Variants in NEBL observed in about 807,000 individuals in gnomAD.
The protein encoded by NEBL is nebulette.
A neutral mutation model predicts 140.2 loss-of-function variants in NEBL; 122 were observed. The ratio of observed to expected loss-of-function variants is 0.87; its 90% CI spans 0.75 to 1.01. The LOEUF is 1.01. NEBL is among the 50% of genes least tolerant of loss of function. The probability of loss-of-function intolerance (pLI) is 0.00; values close to 1 mark genes in which losing one functional copy is unlikely to be tolerated. For synonymous variants in NEBL, 436 were observed against 398.9 expected, an observed-to-expected ratio of 1.09 and a Z score of -1.11; for missense variants, 1,365 against 1,231.3, an observed-to-expected ratio of 1.11 and a Z score of -1.62.
intron 1 of NEBL, among the ~76,000 whole-genome samples, chr10:21,278,559 A>G (rs923293354): frequency 1.3e-5 from 2 of 152,188 alleles, no homozygotes; most frequent in African/African-American, 4.8e-5. Context: ...TCATGGGTCA[A>G]TGAGGGAGGC....
chr10:20,889,240 A>G (rs1204819009), intron 3 of NEBL, among the ~76,000 whole-genome samples: 2 of 152,218 alleles, frequency 1.3e-5, no homozygotes, highest in South Asian at 2.1e-4. Context: ...CATCGTTAAC[A>G]TTGTGCTTTA....
intron 2 of NEBL, among the ~76,000 whole-genome samples, chr10:21,047,837 G>A (rs1321745068): frequency 6.6e-6 from 1 of 152,146 alleles, no homozygotes; most frequent in Non-Finnish European, 1.5e-5. Context: ...GCATGCCCGA[G>A]CAATATTGTC....
chr10:20,868,549 T>C (rs971954787), intron 7 of NEBL, 115 bp downstream of exon 7: 9 of 838,152 alleles, frequency 1.1e-5, no homozygotes, highest in Admixed American at 7.0e-5. Context: ...TTCAGAAACA[T>C]TATCTCTGTT....
chr10:20,912,169 CA>C (rs747113342), intron 4 of NEBL, among the ~76,000 whole-genome samples: 133 of 152,192 alleles, frequency 8.7e-4, no homozygotes, highest in Admixed American at 1.9e-3. Flanking sequence ...ACTAGATAAC[CA>C]ACACAACTAT....
intron 2 of NEBL, among the ~76,000 whole-genome samples, chr10:21,123,517 G>C (rs866325329): frequency 1.4e-4 from 21 of 151,940 alleles, no homozygotes; most frequent in African/African-American, 4.8e-4. Flanking sequence ...AGCTCAAGTC[G>C]TCCTGACCTT....
At position 20,823,276 on chromosome 10, in the gene NEBL, G is replaced by A; in HGVS notation, c.1894C>T (p.His632Tyr). ...GGAGGATCAGAAATGGCTGTTGCAT[G>A]TTTAATCTCTTCTTTGTATTTCACC... ...SSVKYKEEIKHATAISDPPEL... is the reference protein window; with the variant it reads ...SSVKYKEEIKYATAISDPPEL... Residue 632 changes from histidine (H) to tyrosine (Y), a missense_variant, in exon 19 of 28, where the codon CAT becomes TAT. Coordinates refer to ENST00000377122, the MANE Select transcript of NEBL (RefSeq NM_006393.3). The A allele has an allele frequency of 6.2e-7, 1 of 1,608,238 alleles. No homozygotes were observed. The highest frequency in any genetic ancestry group is 8.5e-7 in the Non-Finnish European group (1 of 1,177,200).
chr10:21,030,273 G>T, intron 2 of NEBL: 1 of 624,818 alleles, frequency 1.6e-6, no homozygotes. Context: ...CCAAGCTGGC[G>T]AAGTGAAGAA....
intron 2 of NEBL, among the ~76,000 whole-genome samples, chr10:21,133,362 G>T (rs968687940): frequency 6.6e-6 from 1 of 152,140 alleles, no homozygotes; most frequent in Non-Finnish European, 1.5e-5. Flanking sequence ...TTAGCGGAGG[G>T]GGCTCCTTAC....
rs966493797 is a variant in NEBL at position 20,984,262 on chromosome 10, G to A, written c.250-22483C>T. ...CACCATCATTGTAAAACAAACTATC[G>A]TGATGTTATCTCAACTTAATAACAA... On this transcript the variant is annotated intron_variant, in intron 3 of 6. Coordinates refer to the NEBL transcript ENST00000417816. Among the ~76,000 whole-genome samples the A allele has an allele frequency of 9.9e-5, 15 of 152,030 alleles. 1 individual carries two copies. Among genetic ancestry groups the A allele is most frequent in the Admixed American group, 3.9e-4 (6 of 15,246 alleles).
chr10:21,176,785 T>C (rs10828202), upstream of NEBL, among the ~76,000 whole-genome samples: 44,346 of 152,080 alleles, frequency 0.29, 8,265 homozygotes, highest in East Asian at 0.58. Flanking sequence ...TACAAAACAA[T>C]TGACCTTCAT....
chr10:20,844,371 A>G (rs1288814222), intron 12 of NEBL, among the ~76,000 whole-genome samples: 2 of 150,886 alleles, frequency 1.3e-5, no homozygotes, highest in African/African-American at 4.8e-5. Flanking sequence ...CATAAAATAT[A>G]TATTATATTG....
intron 13 of NEBL, 140 bp downstream of exon 13, chr10:20,840,599 A>T: frequency 1.5e-6 from 1 of 658,324 alleles, no homozygotes. Context: ...TAATAGTCCA[A>T]GAAAAGACTA....
chr10:20,887,104 G>C (rs1329543081), intron 4 of NEBL, among the ~76,000 whole-genome samples: 1 of 152,150 alleles, frequency 6.6e-6, no homozygotes, highest in Non-Finnish European at 1.5e-5. Flanking sequence ...AGATGAACCA[G>C]AAAGAGGTGA....
chr10:20,800,010 C>G (rs1165838758), intron 26 of NEBL, among the ~76,000 whole-genome samples: 1 of 151,946 alleles, frequency 6.6e-6, no homozygotes, highest in East Asian at 1.9e-4. Context: ...CTACAATCTA[C>G]TTAACAAAAA....
At chr10:20,898,988 A>C (rs916588143), upstream of NEBL, among the ~76,000 whole-genome samples, 1 of 152,216 alleles carries the variant, frequency 6.6e-6, no homozygotes, top group East Asian at 1.9e-4. Flanking sequence ...TCACCAACAA[A>C]ATACCAAAAA....
chr10:20,786,195 G>C (rs894779255), intron 27 of NEBL, among the ~76,000 whole-genome samples: 1 of 152,130 alleles, frequency 6.6e-6, no homozygotes, highest in African/African-American at 2.4e-5. Flanking sequence ...ATAAAGCCAA[G>C]TTCCCCCCAA....
intron 4 of NEBL, among the ~76,000 whole-genome samples, chr10:20,938,623 A>G (rs574576321): frequency 6.6e-6 from 1 of 152,304 alleles, no homozygotes; most frequent in African/African-American, 2.4e-5. Context: ...AGAAGGCTTC[A>G]GACAATCAAA....
intron 2 of NEBL, among the ~76,000 whole-genome samples, chr10:21,139,558 T>C (rs149773584): frequency 2.0e-5 from 3 of 152,268 alleles, no homozygotes; most frequent in African/African-American, 4.8e-5. Context: ...CATGTTGTCA[T>C]AGCAATGATG....
At chr10:20,787,940 G>A (rs773626048) in intron 26 of NEBL, among the ~76,000 whole-genome samples, 10 of 152,144 alleles carry the variant, frequency 6.6e-5, no homozygotes, top group Non-Finnish European at 1.3e-4. Flanking sequence ...AGCTAAATAC[G>A]TTACAAAAGC....
Sources: allele counts gnomAD v4.1 joint callset (sites outside exome capture counted in the v4.1 genomes callset), GRCh38; gene constraint gnomAD v4.1.1; transcripts MANE v1.5; gene names NCBI Gene and HGNC (gene_info 2026-07-23, HGNC 2026-07-21).